The following CSMD1 variants were observed in gnomAD, a reference collection of about 807,000 sequenced individuals.
CSMD1 encodes CUB and sushi domain-containing protein 1.
Under a neutral mutation model 417.5 loss-of-function variants are expected in CSMD1, and 213 were observed. The observed-to-expected ratio is 0.51, with a 90% CI of 0.46 to 0.57. CSMD1 has a LOEUF of 0.57. CSMD1 is among the 20% of genes least tolerant of loss of function. CSMD1 has a pLI of 0.00. For missense variants in CSMD1, 6,923 were observed against 4,529.7 expected (o/e 1.53, Z -15.17); for synonymous variants, 2,862 against 1,736.8 (o/e 1.65, Z -16.11).
At chr8:4,016,990 A>C (rs958496990) in intron 4 of CSMD1, among the ~76,000 whole-genome samples, 2 of 152,188 alleles carry the variant, frequency 1.3e-5, no homozygotes, top group African/African-American at 2.4e-5. Context: ...CTGAAATCAC[A>C]ATAACAGAAA....
At chr8:4,520,821 G>A (rs1421739439) in intron 2 of CSMD1, among the ~76,000 whole-genome samples, 1 of 152,118 alleles carries the variant, frequency 6.6e-6, no homozygotes, top group Non-Finnish European at 1.5e-5. Flanking sequence ...TGCCCTGTAA[G>A]TATAACGTAT....
At chr8:4,003,608 C>G (rs1376785501) in intron 4 of CSMD1, among the ~76,000 whole-genome samples, 1 of 152,026 alleles carries the variant, frequency 6.6e-6, no homozygotes, top group Non-Finnish European at 1.5e-5. Context: ...ACTGAAATGC[C>G]TTCTAATATA....
intron 3 of CSMD1, among the ~76,000 whole-genome samples, chr8:4,407,800 T>C (rs999189792): frequency 6.6e-6 from 1 of 152,224 alleles, no homozygotes; most frequent in African/African-American, 2.4e-5. Context: ...GTCAGTATTG[T>C]GGCATATGAG....
At chr8:4,436,953 A>G (rs1798182820) in intron 2 of CSMD1, among the ~76,000 whole-genome samples, 1 of 152,150 alleles carries the variant, frequency 6.6e-6, no homozygotes, top group South Asian at 2.1e-4. Context: ...AATCTTACCT[A>G]GAGTGTACAG....
At chr8:4,438,434 A>G (rs1003016031) in intron 2 of CSMD1, among the ~76,000 whole-genome samples, 2 of 152,202 alleles carry the variant, frequency 1.3e-5, no homozygotes, top group African/African-American at 4.8e-5. Flanking sequence ...ACCCATCCAC[A>G]TGACGCTGAA....
intron 3 of CSMD1, among the ~76,000 whole-genome samples, chr8:4,230,824 C>A (rs1440103172): frequency 6.6e-6 from 1 of 152,014 alleles, no homozygotes; most frequent in East Asian, 1.9e-4. Context: ...TGCAGTGTCA[C>A]AATGTATTTT....
At chr8:3,242,573 A>G (rs1442170339) in intron 26 of CSMD1, among the ~76,000 whole-genome samples, 1 of 152,060 alleles carries the variant, frequency 6.6e-6, no homozygotes, top group African/African-American at 2.4e-5. Context: ...TCGAGTTTGT[A>G]CTGGGGTCAA....
At chr8:4,800,160 C>T (rs1396306435) in intron 1 of CSMD1, among the ~76,000 whole-genome samples, 1 of 151,954 alleles carries the variant, frequency 6.6e-6, no homozygotes, top group Non-Finnish European at 1.5e-5. Context: ...GAAAATTGGC[C>T]GGCCGTGACG....
intron 3 of CSMD1, among the ~76,000 whole-genome samples, chr8:4,279,886 G>A (rs1796685840): frequency 6.6e-6 from 1 of 152,274 alleles, no homozygotes; most frequent in South Asian, 2.1e-4. Flanking sequence ...GATGCCAACT[G>A]CGTCAAAAGC....
At chr8:3,564,820 A>G (rs1799629828) in intron 10 of CSMD1, among the ~76,000 whole-genome samples, 1 of 152,000 alleles carries the variant, frequency 6.6e-6, no homozygotes, top group Non-Finnish European at 1.5e-5. Flanking sequence ...AGTCACCAAA[A>G]CCAAACTCAG....
intron 6 of CSMD1, among the ~76,000 whole-genome samples, chr8:3,724,750 C>G (rs1391649735): frequency 6.6e-6 from 1 of 152,178 alleles, no homozygotes; most frequent in South Asian, 2.1e-4. Flanking sequence ...GTATTTTCTT[C>G]TGTTATGAGT....
intron 8 of CSMD1, among the ~76,000 whole-genome samples, chr8:3,613,476 C>A (rs1456591982): frequency 1.3e-5 from 2 of 151,800 alleles, no homozygotes; most frequent in East Asian, 3.9e-4. Context: ...CCTATCATAA[C>A]TCATAAAAAT....
chr8:4,316,281 C>G (rs369084137), intron 3 of CSMD1, among the ~76,000 whole-genome samples: 1 of 152,094 alleles, frequency 6.6e-6, no homozygotes, highest in Admixed American at 6.6e-5. Context: ...TTGTTGTGAT[C>G]TGTAAGATAT....
At chr8:3,038,780 T>C (rs1003800375) in intron 50 of CSMD1, among the ~76,000 whole-genome samples, 25 of 152,166 alleles carry the variant, frequency 1.6e-4, no homozygotes, top group Non-Finnish European at 3.4e-4. Flanking sequence ...TATATCCACA[T>C]ACTCAAGCGT....
intron 3 of CSMD1, among the ~76,000 whole-genome samples, chr8:4,100,137 A>G (rs1252692586): frequency 1.3e-5 from 2 of 152,178 alleles, no homozygotes; most frequent in African/African-American, 4.8e-5. Context: ...TACTTTTCCC[A>G]ATACCTTGGT....
intron 3 of CSMD1, among the ~76,000 whole-genome samples, chr8:4,246,043 T>C (rs931500980): frequency 6.6e-6 from 1 of 152,200 alleles, no homozygotes; most frequent in African/African-American, 2.4e-5. Context: ...TTTTAACTTT[T>C]AAGTTTAGTG....
At chr8:4,186,419 G>C (rs1798679200) in intron 3 of CSMD1, among the ~76,000 whole-genome samples, 1 of 152,166 alleles carries the variant, frequency 6.6e-6, no homozygotes, top group Non-Finnish European at 1.5e-5. Flanking sequence ...CTGACACACT[G>C]AGAGTAAGTT....
chr8:3,838,363 C>G (rs962038423), intron 5 of CSMD1, among the ~76,000 whole-genome samples: 3 of 151,046 alleles, frequency 2.0e-5, no homozygotes, highest in African/African-American at 7.3e-5. Flanking sequence ...TCGTGAGACA[C>G]TGTCTCTACT....
chr8:3,582,783 T>C (rs1800438092), intron 9 of CSMD1, among the ~76,000 whole-genome samples: 1 of 152,226 alleles, frequency 6.6e-6, no homozygotes, highest in Non-Finnish European at 1.5e-5. Context: ...TTGGGTTAAA[T>C]AAAATGTTAT....
Sources: gnomAD v4.1 joint callset for allele counts (sites outside exome capture counted in the v4.1 genomes callset) on GRCh38, gnomAD v4.1.1 for gene constraint, MANE v1.5 for transcripts, NCBI Gene and HGNC (gene_info 2026-07-23, HGNC 2026-07-21) for gene names.